The following RIMS1 variants were observed in gnomAD, a reference collection of about 807,000 sequenced individuals.
RIMS1 encodes regulating synaptic membrane exocytosis 1, also known as regulating synaptic membrane exocytosis protein 1.
Under a neutral mutation model 214.1 loss-of-function variants are expected in RIMS1, and 83 were observed. That is an observed-to-expected ratio of 0.39 (90% CI 0.32 to 0.47). The LOEUF (loss-of-function observed/expected upper bound fraction) is 0.47. Ranked by LOEUF, RIMS1 falls within the 20% of genes least tolerant of loss-of-function variation. The pLI is 0.99. For synonymous variants in RIMS1, 793 were observed against 786.8 expected (o/e 1.01, Z -0.13); for missense variants, 2,050 against 2,161.8 (o/e 0.95, Z 1.03).
intron 2 of RIMS1, among the ~76,000 whole-genome samples, chr6:72,013,257 C>A (rs973870816): frequency 2.0e-5 from 3 of 152,030 alleles, no homozygotes; most frequent in African/African-American, 4.8e-5. Flanking sequence ...GAACATTGGT[C>A]TTTGCCCATG....
At chr6:72,293,078 G>A (rs1388609390) in intron 26 of RIMS1, among the ~76,000 whole-genome samples, 2 of 151,984 alleles carry the variant, frequency 1.3e-5, no homozygotes, top group African/African-American at 4.8e-5. Context: ...TTCAAAGACT[G>A]ATGTGGCATA....
intron 2 of RIMS1, among the ~76,000 whole-genome samples, chr6:72,070,356 G>C (rs1178603700): frequency 6.6e-6 from 1 of 151,908 alleles, no homozygotes. Flanking sequence ...ATTGATTTCT[G>C]ATTATGAATA....
intron 28 of RIMS1, among the ~76,000 whole-genome samples, chr6:72,329,015 C>G (rs922965294): frequency 4.0e-5 from 6 of 151,404 alleles, no homozygotes; most frequent in Non-Finnish European, 5.9e-5. Context: ...GAACTGGAAC[C>G]AGAAAGAAAC....
At chr6:72,319,490 C>T (rs1435164602) in intron 28 of RIMS1, among the ~76,000 whole-genome samples, 4 of 152,146 alleles carry the variant, frequency 2.6e-5, no homozygotes, top group Non-Finnish European at 1.5e-5. Context: ...GAATAAACAG[C>T]ATCTTGTGAT....
At chr6:72,283,191 TTC>T (rs1267860664) in intron 23 of RIMS1, among the ~76,000 whole-genome samples, 1 of 152,132 alleles carries the variant, frequency 6.6e-6, no homozygotes, top group Admixed American at 6.6e-5. Context: ...TTCCTAGGGT[TTC>T]TCTCTTTTTT....
At chr6:72,164,292 C>T (rs1467109644) in intron 4 of RIMS1, among the ~76,000 whole-genome samples, 3 of 152,144 alleles carry the variant, frequency 2.0e-5, no homozygotes, top group Admixed American at 6.5e-5. Context: ...CGTCTGTCAC[C>T]CCTTTCTTTG....
chr6:71,919,624 A>G (rs564238117), intron 1 of RIMS1, among the ~76,000 whole-genome samples: 5 of 152,226 alleles, frequency 3.3e-5, no homozygotes, highest in African/African-American at 1.2e-4. Flanking sequence ...AGAAGAGAGA[A>G]GTAAATAATG....
chr6:72,193,342 A>C (rs1398679129), intron 6 of RIMS1, among the ~76,000 whole-genome samples: 1 of 152,208 alleles, frequency 6.6e-6, no homozygotes, highest in Non-Finnish European at 1.5e-5. Context: ...CATTTATCTG[A>C]TAAAGACAAC....
intron 6 of RIMS1, among the ~76,000 whole-genome samples, chr6:72,198,748 T>C (rs963432344): frequency 1.3e-5 from 2 of 151,922 alleles, no homozygotes; most frequent in Non-Finnish European, 2.9e-5. Flanking sequence ...GCTATGGGTG[T>C]AACAAAATAG....
rs552445815 is a variant in RIMS1, at chr6:71,942,314, T to G, written c.165-26669T>G. On this transcript the variant is annotated intron_variant, in intron 1 of 33. Coordinates refer to ENST00000521978, the MANE Select transcript of RIMS1 (RefSeq NM_014989.7). ...AAAATGAACTGCTTAAATCCTCCCTTGACTAGACTCCATAGAGAGGAATCA... is the reference window on the plus strand; with the variant it reads ...AAAATGAACTGCTTAAATCCTCCCTGGACTAGACTCCATAGAGAGGAATCA... 3.3e-5 allele frequency among the ~76,000 whole-genome samples: 5 copies of G among 152,304 alleles called. No homozygotes were observed. The South Asian group carries it at 1.0e-3, about 32-fold the overall frequency.
chr6:72,338,111 T>C (rs1339101442), intron 29 of RIMS1, among the ~76,000 whole-genome samples: 6 of 151,678 alleles, frequency 4.0e-5, no homozygotes, highest in Non-Finnish European at 7.4e-5. Context: ...TACCCAGTAA[T>C]GGGATGGCTG....
chr6:72,291,088 T>C (rs1233075540), intron 25 of RIMS1, among the ~76,000 whole-genome samples: 1 of 152,208 alleles, frequency 6.6e-6, no homozygotes, highest in Non-Finnish European at 1.5e-5. Flanking sequence ...GAAAATTAAA[T>C]TTGGCTGTGT....
At chr6:72,202,050 T>A (rs1027344879) in intron 6 of RIMS1, among the ~76,000 whole-genome samples, 4 of 152,242 alleles carry the variant, frequency 2.6e-5, no homozygotes, top group African/African-American at 9.6e-5. Context: ...TTTAGCCATC[T>A]TCTTTGTATG....
chr6:71,963,184 A>T (rs1459400097), intron 1 of RIMS1, among the ~76,000 whole-genome samples: 2 of 152,204 alleles, frequency 1.3e-5, no homozygotes, highest in East Asian at 1.9e-4. Context: ...TCTTTTAAGT[A>T]TTAAAGACAG....
Position 72,250,622 on chromosome 6 carries a change from G to T in RIMS1, c.2372+162G>T, listed in dbSNP as rs539825094. On this transcript the variant is annotated intron_variant, in intron 13 of 33. Coordinates refer to ENST00000521978, the MANE Select transcript of RIMS1 (RefSeq NM_014989.7). ...AAGTCCCTCAAGTGTTGGAAATTGT[G>T]TTGGAAATATTTGAAAATAATCTGT... Among the ~76,000 whole-genome samples, 2 of 152,206 alleles carry T rather than the reference G, an allele frequency of 1.3e-5. 1 individual carries two copies. The highest frequency in any genetic ancestry group is 4.1e-4 in the South Asian group (2 of 4,828).
chr6:72,145,123 G>A (rs1463315412), intron 4 of RIMS1, among the ~76,000 whole-genome samples: 1 of 152,096 alleles, frequency 6.6e-6, no homozygotes, highest in African/African-American at 2.4e-5. Flanking sequence ...TTTGCATAAA[G>A]TGCAGCAAAA....
chr6:72,079,513 A>G (rs1418009787), intron 2 of RIMS1, among the ~76,000 whole-genome samples: 1 of 152,222 alleles, frequency 6.6e-6, no homozygotes, highest in Non-Finnish European at 1.5e-5. Flanking sequence ...ACTCAGGCTC[A>G]GAAAGTTGAA....
rs115355866 is a variant in RIMS1 at position 72,281,467 on chromosome 6, C to G, written c.3483-2580C>G. Among the ~76,000 whole-genome samples, 620 of 152,102 alleles carry G rather than the reference C, an allele frequency of 4.1e-3. 5 individuals carry two copies. Among genetic ancestry groups the G allele is most frequent in the African/African-American group, 0.014 (600 of 41,526 alleles). The stretch of plus-strand genomic sequence containing the variant: ...GTTTCACAGAGGAAATGAAATATCA[C>G]TTGGGTCTAGAAATTAATAGAAGTT... On this transcript the variant is annotated intron_variant, in intron 23 of 33. Coordinates refer to ENST00000521978, the MANE Select transcript of RIMS1 (RefSeq NM_014989.7).
chr6:72,267,600 GTACTTGCAC>G (rs2081186917), intron 22 of RIMS1, among the ~76,000 whole-genome samples: 1 of 152,092 alleles, frequency 6.6e-6, no homozygotes, highest in Non-Finnish European at 1.5e-5. Flanking sequence ...AAGATAGTTT[GTACTTGCAC>G]CACTCCCACT....
Sources: gnomAD v4.1 joint callset for allele counts (sites outside exome capture counted in the v4.1 genomes callset) on GRCh38, gnomAD v4.1.1 for gene constraint, MANE v1.5 for transcripts, NCBI Gene and HGNC (gene_info 2026-07-23, HGNC 2026-07-21) for gene names.